Variants in UGGT1 observed in about 807,000 individuals in gnomAD.
The protein encoded by UGGT1 is UDP-glucose glycoprotein glucosyltransferase 1, also known as UDP-glucose:glycoprotein glucosyltransferase 1.
UGGT1 carries 107 observed loss-of-function variants against 203.9 expected under a neutral mutation model. The observed-to-expected ratio is 0.52, with a 90% CI of 0.45 to 0.62. The LOEUF is 0.62. Ranked by LOEUF, UGGT1 falls within the 20% of genes least tolerant of loss-of-function variation. The pLI is 0.00. For missense variants in UGGT1, 1,673 were observed against 1,867.2 expected (o/e 0.90, Z 1.92); for synonymous variants, 628 against 653.5 (o/e 0.96, Z 0.59).
intron 8 of UGGT1, among the ~76,000 whole-genome samples, chr2:128,118,529 T>G (rs1346488397): frequency 1.3e-5 from 2 of 152,144 alleles, no homozygotes; most frequent in Non-Finnish European, 1.5e-5. Flanking sequence ...CTTCCCAAAG[T>G]GTTAGAATTA....
intron 13 of UGGT1, among the ~76,000 whole-genome samples, chr2:128,132,497 G>A (rs1688928916): frequency 2.0e-5 from 3 of 152,182 alleles, no homozygotes; most frequent in Admixed American, 1.3e-4. Flanking sequence ...TCAGTGAGCC[G>A]AGATTGCTCC....
intron 34 of UGGT1, among the ~76,000 whole-genome samples, chr2:128,179,249 G>C (rs1691562072): frequency 6.6e-6 from 1 of 152,162 alleles, no homozygotes. Context: ...ACCTAAAATA[G>C]TGACAATAAT....
intron 19 of UGGT1, among the ~76,000 whole-genome samples, chr2:128,154,085 A>T (rs1400489426): frequency 6.8e-6 from 1 of 146,260 alleles, no homozygotes; most frequent in Non-Finnish European, 1.5e-5. Flanking sequence ...ACACACACAC[A>T]CTCCTATACA....
chr2:128,121,405 C>CTTTT (rs10636999), intron 10 of UGGT1, 107 bp downstream of exon 10: 866 of 451,826 alleles, frequency 1.9e-3, no homozygotes, highest in East Asian at 2.9e-3. Context: ...AATTAAGATT[C>CTTTT]TTTTTTTTTT....
intron 5 of UGGT1, among the ~76,000 whole-genome samples, chr2:128,112,540 C>G (rs1439183596): frequency 7.3e-6 from 1 of 136,188 alleles, no homozygotes; most frequent in Non-Finnish European, 1.6e-5. Context: ...CCTTTTCCTC[C>G]CCTTTTAGGA....
chr2:128,143,494 AG>A, intron 17 of UGGT1, among the ~76,000 whole-genome samples: 1 of 152,348 alleles, frequency 6.6e-6, no homozygotes, highest in East Asian at 1.9e-4. Flanking sequence ...AGAAAGTACC[AG>A]TAGCTTTTTA....
chr2:128,150,118 A>G (rs576436945), intron 18 of UGGT1, among the ~76,000 whole-genome samples: 15 of 152,282 alleles, frequency 9.9e-5, no homozygotes, highest in African/African-American at 3.4e-4. Flanking sequence ...AGTACTGGAA[A>G]ATTTGAACTA....
At chr2:128,134,765 G>A in intron 14 of UGGT1, 111 bp from the exon 15 acceptor site, 3 of 839,556 alleles carry the variant, frequency 3.6e-6, no homozygotes, top group Non-Finnish European at 5.8e-6. Context: ...TGTGGTTCAA[G>A]CGTAGCTCGA....
At chr2:128,139,240 C>A (rs991733578) in intron 16 of UGGT1, among the ~76,000 whole-genome samples, 16 of 152,120 alleles carry the variant, frequency 1.1e-4, no homozygotes, top group Non-Finnish European at 2.1e-4. Flanking sequence ...CAACGGCTAC[C>A]TTAAAATTTT....
chr2:128,101,127 A>G (rs1558749154), intron 2 of UGGT1, among the ~76,000 whole-genome samples: 1 of 152,120 alleles, frequency 6.6e-6, no homozygotes, highest in Non-Finnish European at 1.5e-5. Context: ...GTAATACGAC[A>G]TGTAGGCAAC....
intron 20 of UGGT1, among the ~76,000 whole-genome samples, chr2:128,155,810 T>C (rs1690200523): frequency 6.6e-6 from 1 of 152,008 alleles, no homozygotes. Context: ...TTCATAAATT[T>C]TGTATTACCT....
At chr2:128,104,049 G>T (rs745527130) in intron 3 of UGGT1, 35 bp downstream of exon 3, 2 of 1,478,980 alleles carry the variant, frequency 1.4e-6, no homozygotes, top group Non-Finnish European at 1.8e-6. Flanking sequence ...TGACTTTGGT[G>T]TCTGGGAAAA....
In UGGT1 at chr2:128,187,456, A is replaced by G; in HGVS notation, c.4484A>G (p.Asn1495Ser). ...GTTCTTTTGGTTTCACAGTGTAATA[A>G]TCCGATGACCAAAGAGCCGAAACTG... The part of the protein sequence containing the change: ...KRAKTIDLCN[N>S]PMTKEPKLEA... Residue 1495 changes from asparagine to serine, a missense_variant, in exon 40 of 41, where the codon AAT (asparagine) becomes AGT (serine). Physicochemically the swap from Asn to Ser is conservative, Grantham distance 46 (BLOSUM62 1). Coordinates refer to ENST00000259253, the MANE Select transcript of UGGT1 (RefSeq NM_020120.4). 1 of 1,613,770 alleles carries G rather than the reference A, an allele frequency of 6.2e-7. No individual in the cohort carries two copies. Among genetic ancestry groups the G allele is most frequent in the Non-Finnish European group, 8.5e-7 (1 of 1,179,750 alleles).
At position 128,156,299 on chromosome 2, in the gene UGGT1, G is replaced by A. The variant is rs867666716; in HGVS notation, c.2237-93G>A. The A allele has an allele frequency of 3.0e-5, 28 of 948,106 alleles. No homozygotes were observed. The African/African-American group carries it at 3.7e-4, about 13-fold the overall frequency. 58.7% of individuals were successfully genotyped at this position (948,106 alleles called of 1,614,324 possible). On this transcript the variant is annotated intron_variant, in intron 20 of 40. Transcript: ENST00000259253. ...AGCAGCAGGAAGAACCATAGACCGT[G>A]TTAGCCATTGTTTAGACTTTCAATT...
At position 128,133,180 on chromosome 2, in the gene UGGT1, T is replaced by C. The variant is rs1393538105; in HGVS notation, c.1417T>C (p.Trp473Arg). 1.9e-6 allele frequency: 3 copies of C among 1,614,148 alleles called. No homozygotes were observed. The highest frequency in any genetic ancestry group is 2.5e-6 in the Non-Finnish European group (3 of 1,179,976). The change falls in exon 14 of 41, where the codon TGG becomes CGG. Residue 473 changes from tryptophan (W) to arginine (R), a missense_variant. This residue lies in a region of UGGT1 where 1,073 missense variants were observed against 1,078.7 expected (regional missense o/e 0.99). Transcript: ENST00000259253. Reference sequence around the variant, plus strand: ...GGAGGTTGATAGCAGATATAATTCGTGGCCTTCTAGTTTACAAGAGTTGCT... The same window carrying C: ...GGAGGTTGATAGCAGATATAATTCGCGGCCTTCTAGTTTACAAGAGTTGCT... Reference protein sequence around the residue: ...NLEVDSRYNSWPSSLQELLRP... With the variant: ...NLEVDSRYNSRPSSLQELLRP...
At chr2:128,104,157 A>G in intron 3 of UGGT1, 143 bp downstream of exon 3, 1 of 583,980 alleles carries the variant, frequency 1.7e-6, no homozygotes, top group Non-Finnish European at 2.9e-6. Context: ...GTGGTCAGGA[A>G]GAGCCAACAC....
At chr2:128,147,576 C>G (rs186592237) in intron 18 of UGGT1, among the ~76,000 whole-genome samples, 149 of 151,752 alleles carry the variant, frequency 9.8e-4, no homozygotes, top group African/African-American at 3.5e-3. Context: ...TCTTCTCTTC[C>G]TGAGTATACA....
chr2:128,097,361 C>T (rs968547425), intron 1 of UGGT1, 68 bp from the exon 2 acceptor site: 42 of 1,538,340 alleles, frequency 2.7e-5, no homozygotes, highest in Middle Eastern at 1.8e-4. Context: ...GGCGACAGGG[C>T]GAGACTGCGT....
Position 128,115,205 on chromosome 2 carries a change from G to T in UGGT1, c.778G>T (p.Asp260Tyr). Residue 260 changes from aspartate (D) to tyrosine (Y), a missense_variant, in exon 7 of 41, where the codon GAT (aspartate) becomes TAT (tyrosine). By Grantham distance (160) the Asp-to-Tyr change is radical (BLOSUM62 -3). Around this residue, in one of 4 missense-constraint regions of UGGT1, gnomAD observed 1,073 missense variants for 1,078.7 expected, o/e 0.99. Transcript: ENST00000259253. ...GAGCACTGAGTACAAGGCCAAGGAT[G>T]ATACTCAGGTGAAAGGTGAATTTGT... The part of the protein sequence containing the change: ...IKSTEYKAKD[D>Y]TQVKGTEVNT... 2 of 1,613,734 alleles carry T rather than the reference G, an allele frequency of 1.2e-6. No individual in the cohort carries two copies. Among genetic ancestry groups the T allele is most frequent in the Non-Finnish European group, 8.5e-7 (1 of 1,179,770 alleles).
Sources: allele counts gnomAD v4.1 joint callset (sites outside exome capture counted in the v4.1 genomes callset), GRCh38; gene constraint gnomAD v4.1.1; regional missense constraint gnomAD v4.1.1; transcripts MANE v1.5; gene names NCBI Gene and HGNC (gene_info 2026-07-23, HGNC 2026-07-21).